The following EXOC6B variants were observed in gnomAD, a reference collection of about 807,000 sequenced individuals.
EXOC6B encodes exocyst complex component 6B.
In EXOC6B, 54 loss-of-function variants were observed where a neutral mutation model predicts 113.5. The observed-to-expected ratio is 0.48, with a 90% CI of 0.38 to 0.60. The LOEUF (loss-of-function observed/expected upper bound fraction) is 0.60. Ranked by LOEUF, EXOC6B falls within the 20% of genes least tolerant of loss-of-function variation. The pLI is 0.00. For missense variants in EXOC6B, 797 were observed against 977.5 expected, an observed-to-expected ratio of 0.82 and a Z score of 2.46; for synonymous variants, 357 against 339.0, an observed-to-expected ratio of 1.05 and a Z score of -0.58.
intron 7 of EXOC6B, among the ~76,000 whole-genome samples, chr2:72,564,281 CT>C (rs1256643521): frequency 6.6e-6 from 1 of 152,180 alleles, no homozygotes; most frequent in East Asian, 1.9e-4. Context: ...CACACACTCT[CT>C]CCCTCATACA....
intron 20 of EXOC6B, among the ~76,000 whole-genome samples, chr2:72,294,636 G>T (rs1017810697): frequency 1.3e-5 from 2 of 151,930 alleles, no homozygotes; most frequent in Non-Finnish European, 2.9e-5. Flanking sequence ...AGGATTCTTG[G>T]TCTTGTTTTC....
intron 1 of EXOC6B, among the ~76,000 whole-genome samples, chr2:72,783,620 C>A (rs1451063269): frequency 1.1e-4 from 16 of 152,046 alleles, no homozygotes; most frequent in Non-Finnish European, 1.5e-5. Context: ...CCACACCCAG[C>A]CCCTGTTGGT....
At chr2:72,397,403 G>A (rs1341863372) in intron 18 of EXOC6B, among the ~76,000 whole-genome samples, 3 of 151,938 alleles carry the variant, frequency 2.0e-5, no homozygotes, top group African/African-American at 7.3e-5. Context: ...GATGGATCAT[G>A]AGGTCAGGAG....
Position 72,778,730 on chromosome 2 carries a change from T to C in EXOC6B, c.114-37261A>G, listed in dbSNP as rs147566506. ...ATTTGCTATTAGTCATCTCCCATTC[T>C]TTCTAAAGACTTCACTCCTTTGGGG... On this transcript the variant is annotated intron_variant, in intron 1 of 21. Coordinates refer to ENST00000272427, the MANE Select transcript of EXOC6B (RefSeq NM_015189.3). 1.6e-4 allele frequency among the ~76,000 whole-genome samples: 24 copies of C among 152,326 alleles called. No individual in the cohort carries two copies. The East Asian group carries it at 3.1e-3, about 20-fold the overall frequency.
intron 17 of EXOC6B, among the ~76,000 whole-genome samples, chr2:72,478,536 A>G (rs1698887174): frequency 6.6e-6 from 1 of 152,216 alleles, no homozygotes; most frequent in Non-Finnish European, 1.5e-5. Context: ...GTTTTAAGCA[A>G]TCAGTGTTTC....
intron 6 of EXOC6B, among the ~76,000 whole-genome samples, chr2:72,643,556 T>C (rs1345964429): frequency 7.1e-6 from 1 of 141,498 alleles, no homozygotes; most frequent in South Asian, 2.3e-4. Flanking sequence ...AGGTGGGAAG[T>C]GAACAATGAG....
At chr2:72,705,792 A>G (rs1678822784) in intron 6 of EXOC6B, among the ~76,000 whole-genome samples, 1 of 152,190 alleles carries the variant, frequency 6.6e-6, no homozygotes, top group African/African-American at 2.4e-5. Flanking sequence ...TTTCATTTAC[A>G]AAATTTTAAC....
chr2:72,248,030 A>G (rs1682777180), intron 20 of EXOC6B, among the ~76,000 whole-genome samples: 1 of 152,196 alleles, frequency 6.6e-6, no homozygotes. Flanking sequence ...AATCTCAGAG[A>G]GTGATTCTGT....
At chr2:72,211,780 T>C (rs1680209438) in intron 20 of EXOC6B, among the ~76,000 whole-genome samples, 1 of 152,236 alleles carries the variant, frequency 6.6e-6, no homozygotes, top group African/African-American at 2.4e-5. Context: ...ATATTTGTTT[T>C]TGTCAATCTT....
At chr2:72,552,408 A>T (rs993704524) in intron 8 of EXOC6B, among the ~76,000 whole-genome samples, 20 of 151,702 alleles carry the variant, frequency 1.3e-4, no homozygotes, top group African/African-American at 4.8e-4. Context: ...CAAAGGAAAA[A>T]TGCATATTAT....
rs1683985265 is a variant in EXOC6B, at chr2:72,780,770, AAATAAAGAATTC to A, written c.114-39313_114-39302del. ...TATCTAAAAAAGAGGAAGTCAGAGT[AAATAAAGAATTC>A]AACAGCAGCTATACCAATTCCCTTT... On this transcript the variant is annotated intron_variant, in intron 1 of 21. Coordinates refer to ENST00000272427, the MANE Select transcript of EXOC6B (RefSeq NM_015189.3). Among the ~76,000 whole-genome samples the A allele has an allele frequency of 5.3e-5, 8 of 152,330 alleles. No homozygotes were observed. The South Asian group carries it at 1.7e-3, about 32-fold the overall frequency.
intron 19 of EXOC6B, among the ~76,000 whole-genome samples, chr2:72,373,822 G>C (rs1338377100): frequency 6.6e-6 from 1 of 152,154 alleles, no homozygotes; most frequent in African/African-American, 2.4e-5. Context: ...TTGTGAATGT[G>C]AATTAGTATA....
intron 3 of EXOC6B, among the ~76,000 whole-genome samples, chr2:72,732,481 A>G (rs1455210874): frequency 1.3e-5 from 2 of 152,114 alleles, no homozygotes. Flanking sequence ...TAATCTTTTA[A>G]ATAAATATTT....
Position 72,751,853 on chromosome 2 carries a change from T to C in EXOC6B, c.114-10384A>G, listed in dbSNP as rs190057149. ...AAGTTCCTAGAATTGATAAAAGATG[T>C]AATGAAGTTGTGATCCTCAAAATAA... is the stretch of plus-strand genomic sequence containing the variant. On this transcript the variant is annotated intron_variant, in intron 1 of 21. Coordinates refer to ENST00000272427, the MANE Select transcript of EXOC6B (RefSeq NM_015189.3). Among the ~76,000 whole-genome samples, 19 of 152,230 alleles carry C rather than the reference T, an allele frequency of 1.2e-4. No homozygotes were observed. In the East Asian group the frequency reaches 3.5e-3, roughly 28 times the overall value.
At chr2:72,657,736 G>C (rs1362040880) in intron 6 of EXOC6B, among the ~76,000 whole-genome samples, 1 of 151,404 alleles carries the variant, frequency 6.6e-6, no homozygotes, top group African/African-American at 2.4e-5. Flanking sequence ...CATTACACTA[G>C]ACTTAGAGAA....
intron 18 of EXOC6B, among the ~76,000 whole-genome samples, chr2:72,435,642 C>T (rs1316656840): frequency 6.6e-6 from 1 of 151,322 alleles, no homozygotes; most frequent in African/African-American, 2.4e-5. Context: ...TTACATTGAT[C>T]CCCTTCTTTG....
In EXOC6B at chr2:72,731,204, T is replaced by C. The variant is rs61736520; in HGVS notation, c.369A>G (p.Gln123=). The C allele has an allele frequency of 0.13, 203,200 of 1,612,358 alleles. 19,213 individuals are homozygous for C. Among genetic ancestry groups the C allele is most frequent in the African/African-American group, 0.49 (36,823 of 74,870 alleles). The change falls in exon 4 of 22, where the codon CAA becomes CAG. Residue 123 remains glutamine, a synonymous_variant. Coordinates refer to ENST00000272427, the MANE Select transcript of EXOC6B (RefSeq NM_015189.3). ...CAACAGTGGCAGAAATATTTCTCTGTTGTAGTCGACACTGCTTCAGCTCTT... is the reference window on the plus strand; with the variant it reads ...CAACAGTGGCAGAAATATTTCTCTGCTGTAGTCGACACTGCTTCAGCTCTT... ...AMEELKQCRL[Q]QRNISATVDK...
chr2:72,704,479 G>C (rs1392350434), intron 6 of EXOC6B, among the ~76,000 whole-genome samples: 1 of 147,458 alleles, frequency 6.8e-6, no homozygotes, highest in African/African-American at 2.5e-5. Context: ...ACTAAAATCA[G>C]AGCAGAACTG....
intron 6 of EXOC6B, among the ~76,000 whole-genome samples, chr2:72,707,624 G>C (rs139087204): frequency 0.037 from 5,659 of 151,930 alleles, 338 homozygotes; most frequent in African/African-American, 0.13. Context: ...ATCTTGGCCA[G>C]GATGGTCTTG....
Sources: allele counts gnomAD v4.1 joint callset (sites outside exome capture counted in the v4.1 genomes callset), GRCh38; gene constraint gnomAD v4.1.1; transcripts MANE v1.5; gene names NCBI Gene and HGNC (gene_info 2026-07-23, HGNC 2026-07-21).